KRT8: variants seen among roughly 807,000 people sequenced by gnomAD.
KRT8 encodes the protein keratin, type II cytoskeletal 8.
A neutral mutation model predicts 43.0 loss-of-function variants in KRT8; 24 were observed. That is an observed-to-expected ratio of 0.56 (90% CI 0.40 to 0.78). The LOEUF (loss-of-function observed/expected upper bound fraction) is 0.78. Ranked by LOEUF, KRT8 falls within the 30% of genes least tolerant of loss-of-function variation. KRT8 has a pLI of 0.00. For missense variants in KRT8, 492 were observed against 638.4 expected, an observed-to-expected ratio of 0.77 and a Z score of 2.47; for synonymous variants, 214 against 261.2, an observed-to-expected ratio of 0.82 and a Z score of 1.74.
chr12:52,910,072 T>G (rs4368015), upstream of KRT8, among the ~76,000 whole-genome samples: 3,517 of 152,006 alleles, frequency 0.023, 72 homozygotes, highest in Admixed American at 0.051. Flanking sequence ...CACACAGCCT[T>G]TCTCACATTT....
upstream of KRT8, among the ~76,000 whole-genome samples, chr12:52,905,499 ACT>A (rs1344991746): frequency 1.3e-5 from 2 of 151,430 alleles, no homozygotes; most frequent in Non-Finnish European, 2.9e-5. Flanking sequence ...CCCCAGAGAA[ACT>A]CTCCTGTGTT....
chr12:52,928,794 T>A (rs991603561), intron 2 of KRT8, among the ~76,000 whole-genome samples: 4 of 152,144 alleles, frequency 2.6e-5, no homozygotes, highest in African/African-American at 9.7e-5. Flanking sequence ...TAATCCTAGC[T>A]ACTTAGGAGG....
At chr12:52,944,629 G>T (rs570721521) in intron 2 of KRT8, among the ~76,000 whole-genome samples, 1 of 152,326 alleles carries the variant, frequency 6.6e-6, no homozygotes, top group African/African-American at 2.4e-5. Context: ...CAGGTTCCCC[G>T]ACTTCTCTGA....
chr12:52,913,426 A>G (rs1247533711), intron 2 of KRT8, among the ~76,000 whole-genome samples: 1 of 152,262 alleles, frequency 6.6e-6, no homozygotes, highest in Non-Finnish European at 1.5e-5. Context: ...ATCTGGCTTC[A>G]GACTGAAAAC....
intron 2 of KRT8, among the ~76,000 whole-genome samples, chr12:52,914,319 CT>C (rs1325995361): frequency 2.6e-5 from 4 of 152,104 alleles, no homozygotes; most frequent in Non-Finnish European, 5.9e-5. Context: ...GGCGGATCAC[CT>C]GAGGTTGGGA....
chr12:52,906,670 C>T (rs1022319538), upstream of KRT8: 2 of 455,600 alleles, frequency 4.4e-6, no homozygotes, highest in African/African-American at 4.0e-5. Context: ...GCTGGGTTCT[C>T]TGGAAGATAC....
chr12:52,910,643 T>C (rs1288273055), upstream of KRT8, among the ~76,000 whole-genome samples: 1 of 152,184 alleles, frequency 6.6e-6, no homozygotes, highest in Admixed American at 6.5e-5. Flanking sequence ...TCAAGGAAAC[T>C]TCAGAAGCTG....
At chr12:52,922,917 G>A (rs1322179271) in intron 2 of KRT8, among the ~76,000 whole-genome samples, 1 of 152,158 alleles carries the variant, frequency 6.6e-6, no homozygotes, top group Non-Finnish European at 1.5e-5. Context: ...GCCAGCATGA[G>A]AGCTTGAACT....
chr12:52,902,928 C>T (rs1328676830), intron 1 of KRT8, among the ~76,000 whole-genome samples: 2 of 152,084 alleles, frequency 1.3e-5, no homozygotes, highest in South Asian at 2.1e-4. Context: ...AGGAGAATCG[C>T]TTGAACCCAG....
At chr12:52,900,269 AAGATT>A (rs1941334649) in intron 4 of KRT8, among the ~76,000 whole-genome samples, 2 of 152,132 alleles carry the variant, frequency 1.3e-5, no homozygotes, top group South Asian at 4.1e-4. Context: ...ATGCAGCTCA[AAGATT>A]AGGAACAAGG....
intron 2 of KRT8, among the ~76,000 whole-genome samples, chr12:52,927,798 G>T (rs1942018781): frequency 6.6e-6 from 1 of 152,194 alleles, no homozygotes; most frequent in Non-Finnish European, 1.5e-5. Context: ...GGAGTGCTCA[G>T]CCAGGCGCGA....
intron 2 of KRT8, chr12:52,926,598 G>A: frequency 1.5e-6 from 1 of 675,180 alleles, no homozygotes; most frequent in Admixed American, 2.4e-5. Flanking sequence ...CTTGCTGTGG[G>A]CATGTCTGAG....
Position 52,923,052 on chromosome 12 carries a change from G to C in KRT8, c.-46-18025C>G, listed in dbSNP as rs557389144. 2.6e-4 allele frequency among the ~76,000 whole-genome samples: 39 copies of C among 152,290 alleles called. No homozygotes were observed. In the East Asian group the frequency reaches 7.1e-3, roughly 28 times the overall value. ...TGAGGGTTCCGTAGCCAGGCTCCCA[G>C]CTCTCTGCCCTCCCACTCGTCCTGT... On this transcript the variant is annotated intron_variant, in intron 2 of 6. Coordinates refer to the KRT8 transcript ENST00000546826.
At chr12:52,918,004 A>G in intron 2 of KRT8, among the ~76,000 whole-genome samples, 1 of 131,180 alleles carries the variant, frequency 7.6e-6, no homozygotes. Context: ...GAGGAAGGAG[A>G]GGAAGAAGAA....
chr12:52,935,993 C>T (rs1158835879), intron 2 of KRT8, among the ~76,000 whole-genome samples: 2 of 152,138 alleles, frequency 1.3e-5, no homozygotes, highest in African/African-American at 4.8e-5. Context: ...GTGGCTAATG[C>T]CTATAATCCC....
intron 2 of KRT8, among the ~76,000 whole-genome samples, chr12:52,918,502 G>A (rs542038684): frequency 2.6e-4 from 39 of 152,254 alleles, no homozygotes; most frequent in African/African-American, 7.7e-4. Context: ...CAGACGCCGC[G>A]CAGGTGCAGC....
rs555437485 is a variant in KRT8, at chr12:52,949,013, C to A, written c.-47+443G>T. 2.0e-5 allele frequency: 12 copies of A among 612,498 alleles called. No homozygotes were observed. The Admixed American group carries it at 2.4e-4, about 12-fold the overall frequency. 37.9% of individuals were successfully genotyped at this position (612,498 alleles called of 1,614,324 possible). On this transcript the variant is annotated intron_variant, in intron 2 of 6. Coordinates refer to the KRT8 transcript ENST00000546826. ...GGGCGGAGCGGCCCGGGGCGGAGGG[C>A]GCGGGCTCCGAGCCGTCCACCTGTG...
chr12:52,918,180 G>GAAGAAGAAGAAGAAGAAGAA lies in KRT8; in HGVS notation c.-46-13154_-46-13153insTTCTTCTTCTTCTTCTTCTT. ...GGGAAGAAGAAGAAGAAGAGGAAGA[G>GAAGAAGAAGAAGAAGAAGAA]GAAGAAGAAGAAGAAGAAGAAGAAC... On this transcript the variant is annotated intron_variant, in intron 2 of 6. Transcript: ENST00000546826. 2.6e-4 allele frequency among the ~76,000 whole-genome samples: 19 copies of GAAGAAGAAGAAGAAGAAGAA among 73,812 alleles called. 1 individual carries two copies. The highest frequency in any genetic ancestry group is 1.1e-3 in the South Asian group (2 of 1,768). The allele number at this position is 73,812 out of a possible 152,430, so 48.4% of individuals were successfully genotyped here.
At chr12:52,902,877 T>A (rs1941409327) in intron 1 of KRT8, among the ~76,000 whole-genome samples, 1 of 152,024 alleles carries the variant, frequency 6.6e-6, no homozygotes, top group Non-Finnish European at 1.5e-5. Context: ...CCGGGCATGG[T>A]GGCACGCACT....
Sources: allele counts gnomAD v4.1 joint callset (sites outside exome capture counted in the v4.1 genomes callset), GRCh38; gene constraint gnomAD v4.1.1; transcripts MANE v1.5; gene names NCBI Gene and HGNC (gene_info 2026-07-23, HGNC 2026-07-21).